The following PPP1R26 variants were observed in gnomAD, a reference collection of about 807,000 sequenced individuals.
The protein encoded by PPP1R26 is protein phosphatase 1 regulatory subunit 26.
In PPP1R26, 22 loss-of-function variants were observed where a neutral mutation model predicts 67.6. The observed-to-expected ratio is 0.33, with a 90% CI of 0.23 to 0.46. The LOEUF is 0.46. PPP1R26 is among the 20% of genes least tolerant of loss of function. The pLI, the probability that PPP1R26 is intolerant of heterozygous loss-of-function variation, is 1.00. For missense variants in PPP1R26, 1,602 were observed against 1,651.4 expected, an observed-to-expected ratio of 0.97 and a Z score of 0.52; for synonymous variants, 729 against 717.2, an observed-to-expected ratio of 1.02 and a Z score of -0.26.
rs1296934722 is a variant in PPP1R26 at position 135,486,182 on chromosome 9, T to C, written c.1672T>C (p.Cys558Arg). The C allele has an allele frequency of 6.2e-7, 1 of 1,612,996 alleles. No individual in the cohort carries two copies. The highest frequency in any genetic ancestry group is 8.5e-7 in the Non-Finnish European group (1 of 1,180,028). The change falls in exon 4 of 4, where the codon TGC becomes CGC. Residue 558 changes from cysteine to arginine, a missense_variant. Coordinates refer to ENST00000356818, the MANE Select transcript of PPP1R26 (RefSeq NM_014811.5). This position sits in a 1 kb window ranked among gnomAD's most constrained non-coding sequence, Gnocchi z 6.2. ...SGSLLARGES[C>R]PQAAQGPLLP... Reference sequence around the variant, plus strand: ...GAGTTTGCTGGCCAGAGGTGAGAGCTGCCCGCAGGCTGCCCAGGGTCCACT... The same window carrying C: ...GAGTTTGCTGGCCAGAGGTGAGAGCCGCCCGCAGGCTGCCCAGGGTCCACT...
chr9:135,484,807 T>C lies in PPP1R26; in HGVS notation c.297T>C (p.Cys99=), dbSNP rs1163590663. The change falls in exon 4 of 4, where the codon TGT becomes TGC. Residue 99 remains cysteine (C), a synonymous_variant. Transcript: ENST00000356818. ...VHKEPPALAV[C]GLVADFDPMG... is the part of the protein sequence containing the mutation. Reference sequence around the variant, plus strand: ...AGGAGCCACCCGCGTTGGCTGTCTGTGGTCTCGTTGCTGACTTTGACCCCA... The same window carrying C: ...AGGAGCCACCCGCGTTGGCTGTCTGCGGTCTCGTTGCTGACTTTGACCCCA... 7 of 1,610,832 alleles carry C rather than the reference T, an allele frequency of 4.3e-6. No individual in the cohort carries two copies. In the African/African-American group the frequency reaches 9.3e-5, roughly 22 times the overall value.
At position 135,487,714 on chromosome 9, in the gene PPP1R26, G is replaced by A. The variant is rs1830803468; in HGVS notation, c.3204G>A (p.Arg1068=). ...ACAAGGGGTCCGAGGGCCCCGCCCGGGGCCTGCCCAGCCTGCCCCTTGCGG... is the reference window on the plus strand; with the variant it reads ...ACAAGGGGTCCGAGGGCCCCGCCCGAGGCCTGCCCAGCCTGCCCCTTGCGG... ...ERDKGSEGPA[R]GLPSLPLAGF... The change falls in exon 4 of 4, where the codon CGG becomes CGA. Residue 1068 remains arginine, a synonymous_variant. Coordinates refer to ENST00000356818, the MANE Select transcript of PPP1R26 (RefSeq NM_014811.5). The A allele has an allele frequency of 8.3e-6, 12 of 1,451,502 alleles. No homozygotes were observed. The highest frequency in any genetic ancestry group is 1.4e-5 in the African/African-American group (1 of 70,030). 89.9% of individuals were successfully genotyped at this position (1,451,502 alleles called of 1,614,324 possible).
In PPP1R26 at chr9:135,486,867, C is replaced by T. The variant is rs201922799; in HGVS notation, c.2357C>T (p.Ala786Val). The change falls in exon 4 of 4, where the codon GCG becomes GTG. Residue 786 changes from alanine to valine, a missense_variant. By Grantham distance (64) the Ala-to-Val change is moderately conservative. Transcript: ENST00000356818. The surrounding 1 kb of genome is among the most constrained non-coding windows in gnomAD (Gnocchi z 6.2). ...GAGAGGATGAGGCAGGAGGGTGCCG[C>T]GAGCCAGGACGCGGCCCTGGCCTTC... ...TAERMRQEGAASQDAALAFRV... is the reference protein window; with the variant it reads ...TAERMRQEGAVSQDAALAFRV... 22 of 1,611,580 alleles carry T rather than the reference C, an allele frequency of 1.4e-5. No homozygotes were observed. Among genetic ancestry groups the T allele is most frequent in the African/African-American group, 8.0e-5 (6 of 74,914 alleles).
At position 135,487,795 on chromosome 9, in the gene PPP1R26, G is replaced by C. The variant is rs199630582; in HGVS notation, c.3285G>C (p.Trp1095Cys). 2.4e-4 allele frequency: 371 copies of C among 1,573,510 alleles called. 2 individuals carry two copies. The African/African-American group carries it at 2.7e-3, about 11-fold the overall frequency. ...QLFHFGKGVS[W>C]GGRQAGLFSP... ...TCCACTTTGGAAAGGGTGTCTCCTG[G>C]GGGGGCAGGCAGGCTGGCCTCTTCA... is the stretch of plus-strand genomic sequence containing the variant. The change falls in exon 4 of 4, where the codon TGG becomes TGC. Residue 1095 changes from tryptophan to cysteine, a missense_variant. By Grantham distance (215) the Trp-to-Cys change is radical. Transcript: ENST00000356818.
Position 135,486,339 on chromosome 9 carries a change from T to C in PPP1R26, c.1829T>C (p.Met610Thr). ...GHVRPSTPKK[M>T]QEVVKDGSQD... is the part of the protein sequence containing the mutation. ...GTGAGGCCATCCACGCCCAAGAAAA[T>C]GCAGGAGGTGGTGAAAGACGGTAGC... The change falls in exon 4 of 4, where the codon ATG becomes ACG. Residue 610 changes from methionine to threonine, a missense_variant. Around this residue, in one of 5 missense-constraint regions of PPP1R26, gnomAD observed 680 missense variants for 726.1 expected, o/e 0.94. Transcript: ENST00000356818. The surrounding 1 kb of genome is among the most constrained non-coding windows in gnomAD (Gnocchi z 6.2). 3 of 1,612,714 alleles carry C rather than the reference T, an allele frequency of 1.9e-6. No individual in the cohort carries two copies. Among genetic ancestry groups the C allele is most frequent in the Non-Finnish European group, 2.5e-6 (3 of 1,179,948 alleles).
chr9:135,488,124 C>T lies in PPP1R26; in HGVS notation c.3614C>T (p.Ser1205Leu), dbSNP rs1830836635. The T allele has an allele frequency of 6.6e-7, 1 of 1,523,936 alleles. No homozygotes were observed. The highest frequency in any genetic ancestry group is 1.4e-5 in the African/African-American group (1 of 72,048). 94.4% of individuals were successfully genotyped at this position (1,523,936 alleles called of 1,614,324 possible). The change falls in exon 4 of 4, where the codon TCA becomes TTA. Residue 1205 changes from serine to leucine, a missense_variant. Transcript: ENST00000356818. ...DTSTEDSGGS[S>L]VVKV ...TCCACGGAGGACAGTGGCGGCAGCT[C>T]AGTAGTGAAGGTCTAAGCCCTCGAG... is the stretch of plus-strand genomic sequence containing the variant.
rs1564204720 is a variant in PPP1R26, at chr9:135,484,758, CG to C, written c.250del (p.Ala84LeufsTer38). On this transcript the variant is annotated frameshift_variant, in exon 4 of 4. Transcript: ENST00000356818. LOFTEE classifies it high-confidence loss of function. ...GCAGAGGGATGCCACGACGCCAGGC[CG>C]GCTGCCAAGCCCACCGTGCACAAGG... ...HRAEGCHDAR[P>X]AAKPTVHKEP... The C allele has an allele frequency of 3.7e-6, 6 of 1,610,510 alleles. No homozygotes were observed.
Position 135,486,328 on chromosome 9 carries a change from G to C in PPP1R26, c.1818G>C (p.Thr606=), listed in dbSNP as rs144945374. ...RRGGGHVRPS[T]PKKMQEVVKD... is the part of the protein sequence containing the mutation. ...GTGGTGGCCATGTGAGGCCATCCACGCCCAAGAAAATGCAGGAGGTGGTGA... is the reference window on the plus strand; with the variant it reads ...GTGGTGGCCATGTGAGGCCATCCACCCCCAAGAAAATGCAGGAGGTGGTGA... The change falls in exon 4 of 4, where the codon ACG becomes ACC. Residue 606 remains threonine, a synonymous_variant. Coordinates refer to ENST00000356818, the MANE Select transcript of PPP1R26 (RefSeq NM_014811.5). The surrounding 1 kb of genome is among the most constrained non-coding windows in gnomAD (Gnocchi z 6.2). 2 of 1,613,004 alleles carry C rather than the reference G, an allele frequency of 1.2e-6. No homozygotes were observed. Among genetic ancestry groups the C allele is most frequent in the Admixed American group, 3.3e-5 (2 of 60,020 alleles).
At chr9:135,479,551 G>C (rs1433835958), upstream of PPP1R26, 2 of 146,482 alleles carry the variant, frequency 1.4e-5, no homozygotes, top group African/African-American at 4.9e-5. The surrounding 1 kb of genome is among the most constrained non-coding windows in gnomAD (Gnocchi z 5.9). Context: ...GTCCGAACCG[G>C]GCGGGGCGGG....
chr9:135,484,379 G>A, intron 3 of PPP1R26, 70 bp from the exon 4 acceptor site: 1 of 839,334 alleles, frequency 1.2e-6, no homozygotes. Flanking sequence ...TTCCTCTGGG[G>A]CCTCGCTTGG....
chr9:135,486,899 A>G lies in PPP1R26; in HGVS notation c.2389A>G (p.Arg797Gly). 6.2e-7 allele frequency: 1 copy of G among 1,612,750 alleles called. No individual in the cohort carries two copies. The highest frequency in any genetic ancestry group is 2.2e-5 in the East Asian group (1 of 44,854). Residue 797 changes from arginine (R) to glycine (G), a missense_variant, in exon 4 of 4, where the codon AGG becomes GGG. Around this residue, in one of 5 missense-constraint regions of PPP1R26, gnomAD observed 740 missense variants for 696.3 expected, o/e 1.06. Coordinates refer to ENST00000356818, the MANE Select transcript of PPP1R26 (RefSeq NM_014811.5). This position sits in a 1 kb window ranked among gnomAD's most constrained non-coding sequence, Gnocchi z 6.2. The part of the protein sequence containing the change: ...SQDAALAFRV[R>G]RPASASASEG... ...GGACGCGGCCCTGGCCTTCCGGGTG[A>G]GGAGACCCGCCTCCGCCTCTGCCTC...
At chr9:135,483,859 TAACATAGAGAGGGTTTAGTAA>T in intron 2 of PPP1R26, 70 bp from the exon 3 acceptor site, 1 of 396,514 alleles carries the variant, frequency 2.5e-6, no homozygotes, top group East Asian at 3.6e-5. Flanking sequence ...ATTTGACATT[TAACATAGAGAGGGTTTAGTAA>T]AAGCAGCCCT....
Position 135,487,320 on chromosome 9 carries a change from T to G in PPP1R26, c.2810T>G (p.Val937Gly). The G allele has an allele frequency of 6.4e-7, 1 of 1,556,582 alleles. No homozygotes were observed. Among genetic ancestry groups the G allele is most frequent in the Middle Eastern group, 1.8e-4 (1 of 5,456 alleles). Residue 937 changes from valine to glycine, a missense_variant, in exon 4 of 4, where the codon GTG (valine) becomes GGG (glycine). Transcript: ENST00000356818. The stretch of plus-strand genomic sequence containing the variant: ...GCTGCTCCTGCCCGAGGGGATCCGG[T>G]GCCGCCCAGGAGCACCAGCGGCGGT... ...LPAAPARGDP[V>G]PPRSTSGGVS...
Position 135,486,802 on chromosome 9 carries a change from T to C in PPP1R26, c.2292T>C (p.Gly764=). ...AGTCCAAGAGAGACAGTGGCGAGGGTCCTGGGAAGAAACCCCCCAGTGTCT... is the reference window on the plus strand; with the variant it reads ...AGTCCAAGAGAGACAGTGGCGAGGGCCCTGGGAAGAAACCCCCCAGTGTCT... ...LSKSKRDSGE[G]PGKKPPSVFG... is the part of the protein sequence containing the mutation. The change falls in exon 4 of 4, where the codon GGT becomes GGC. Residue 764 remains glycine (G), a synonymous_variant. Transcript: ENST00000356818. This position sits in a 1 kb window ranked among gnomAD's most constrained non-coding sequence, Gnocchi z 6.2. 2 of 1,602,390 alleles carry C rather than the reference T, an allele frequency of 1.2e-6. No homozygotes were observed. The highest frequency in any genetic ancestry group is 1.7e-6 in the Non-Finnish European group (2 of 1,175,238).
At chr9:135,479,405 CCCCCGCGCCCAGAACTTCCCGGCGA>C (rs1436219953), upstream of PPP1R26, among the ~76,000 whole-genome samples, 5 of 151,662 alleles carry the variant, frequency 3.3e-5, no homozygotes, top group Non-Finnish European at 7.4e-5. The surrounding 1 kb of genome is among the most constrained non-coding windows in gnomAD (Gnocchi z 5.9). Flanking sequence ...ACGGCCACGC[CCCCCGCGCCCAGAACTTCCCGGCGA>C]CCCCGCGCCC....
At position 135,486,655 on chromosome 9, in the gene PPP1R26, G is replaced by C; in HGVS notation, c.2145G>C (p.Arg715Ser). ...TCAAGAAGAGGTGCAGGGAGCCCAG[G>C]GCTGCGTGCAGGAAGAAGGTCAGGT... ...RKLKKRCREP[R>S]AACRKKVRFS... The change falls in exon 4 of 4, where the codon AGG becomes AGC. Residue 715 changes from arginine to serine, a missense_variant. Around this residue, in one of 5 missense-constraint regions of PPP1R26, gnomAD observed 740 missense variants for 696.3 expected, o/e 1.06. Coordinates refer to ENST00000356818, the MANE Select transcript of PPP1R26 (RefSeq NM_014811.5). The surrounding 1 kb of genome is among the most constrained non-coding windows in gnomAD (Gnocchi z 6.2). 6.2e-7 allele frequency: 1 copy of C among 1,610,448 alleles called. No individual in the cohort carries two copies. Among genetic ancestry groups the C allele is most frequent in the Non-Finnish European group, 8.5e-7 (1 of 1,179,048 alleles).
intron 2 of PPP1R26, among the ~76,000 whole-genome samples, chr9:135,483,041 G>A (rs1369106658): frequency 1.4e-5 from 2 of 138,410 alleles, no homozygotes; most frequent in African/African-American, 5.5e-5. Context: ...CCAGACTGGA[G>A]TGCAGTGGCA....
chr9:135,485,258 G>C lies in PPP1R26; in HGVS notation c.748G>C (p.Glu250Gln), dbSNP rs1252494685. The C allele has an allele frequency of 1.2e-6, 2 of 1,612,862 alleles. No individual in the cohort carries two copies. Among genetic ancestry groups the C allele is most frequent in the East Asian group, 4.5e-5 (2 of 44,900 alleles). The change falls in exon 4 of 4, where the codon GAG (glutamate) becomes CAG (glutamine). Residue 250 changes from glutamate to glutamine, a missense_variant. This residue lies in a region of PPP1R26 where 680 missense variants were observed against 726.1 expected (regional missense o/e 0.94). Transcript: ENST00000356818. The surrounding 1 kb of genome is among the most constrained non-coding windows in gnomAD (Gnocchi z 7.2). The part of the protein sequence containing the change: ...HETQKCDGSV[E>Q]KKPDTNENSA... ...GACCCAAAAATGTGATGGGTCAGTG[G>C]AGAAGAAACCAGACACAAATGAAAA...
chr9:135,479,765 C>A (rs1466630582), upstream of PPP1R26: 1 of 144,310 alleles, frequency 6.9e-6, no homozygotes, highest in Non-Finnish European at 1.5e-5. The surrounding 1 kb of genome is among the most constrained non-coding windows in gnomAD (Gnocchi z 5.9). Flanking sequence ...GGTCGCCCCG[C>A]CCCCCGCCCC....
Sources: allele counts gnomAD v4.1 joint callset (sites outside exome capture counted in the v4.1 genomes callset), GRCh38; gene constraint gnomAD v4.1.1; regional missense constraint gnomAD v4.1.1; non-coding constraint Gnocchi (gnomAD v3.1); transcripts MANE v1.5; gene names NCBI Gene and HGNC (gene_info 2026-07-23, HGNC 2026-07-21).